The following EIF4G1 variants were observed in gnomAD, a reference collection of about 807,000 sequenced individuals.
The protein encoded by EIF4G1 is EIF4-gamma.
In EIF4G1, 4 loss-of-function variants were observed where a neutral mutation model predicts 187.8. That is an observed-to-expected ratio of 0.02 (90% CI 0.01 to 0.05). The LOEUF (loss-of-function observed/expected upper bound fraction) is 0.05. Among genes scored for constraint, EIF4G1 ranks in the 10% least tolerant of loss-of-function variants. The pLI is 1.00. For synonymous variants in EIF4G1, 844 were observed against 781.4 expected, an observed-to-expected ratio of 1.08 and a Z score of -1.34; for missense variants, 1,647 against 2,081.1, an observed-to-expected ratio of 0.79 and a Z score of 4.06.
rs960732986 is a variant in EIF4G1 at position 184,332,804 on chromosome 3, T to A, written c.4618+718T>A. Among the ~76,000 whole-genome samples the A allele has an allele frequency of 3.3e-5, 5 of 151,970 alleles. No homozygotes were observed. In the East Asian group the frequency reaches 9.6e-4, roughly 29 times the overall value. Reference sequence around the variant, plus strand: ...AAGAACTATTAAAGAAAGGCCAGTGTGGGAGAGCACAGCAACCAGTCCTAA... The same window carrying A: ...AAGAACTATTAAAGAAAGGCCAGTGAGGGAGAGCACAGCAACCAGTCCTAA... On this transcript the variant is annotated intron_variant, in intron 32 of 32. Coordinates refer to ENST00000346169, the MANE Select transcript of EIF4G1 (RefSeq NM_198241.3).
At chr3:184,327,539 G>T (rs775603322) in intron 24 of EIF4G1, 47 bp from the exon 25 acceptor site, 2 of 1,613,168 alleles carry the variant, frequency 1.2e-6, no homozygotes, top group East Asian at 2.2e-5. Context: ...AATCTTGTTT[G>T]CTGGGAAGAC....
At chr3:184,319,480 T>G in intron 6 of EIF4G1, 1 of 499,340 alleles carries the variant, frequency 2.0e-6, no homozygotes, top group Non-Finnish European at 3.7e-6. Flanking sequence ...TGTGTGTGTG[T>G]GTGTTAGGAA....
Position 184,334,029 on chromosome 3 carries a change from G to A in EIF4G1, c.4619-698G>A, listed in dbSNP as rs1356756817. On this transcript the variant is annotated intron_variant, in intron 32 of 32. Coordinates refer to ENST00000346169, the MANE Select transcript of EIF4G1 (RefSeq NM_198241.3). The surrounding 1 kb of genome is among the most constrained non-coding windows in gnomAD (Gnocchi z 5.8). ...CCTGGCTGGCAGCATCTCATAGATG[G>A]CTTAGAAGTGTAAGGTTTGGTTTGG... Among the ~76,000 whole-genome samples, 2 of 152,188 alleles carry A rather than the reference G, an allele frequency of 1.3e-5. No individual in the cohort carries two copies. The highest frequency in any genetic ancestry group is 3.8e-4 in the East Asian group (2 of 5,196).
In EIF4G1 at chr3:184,321,979, A is replaced by C. The variant is rs953496082; in HGVS notation, c.1395A>C (p.Glu465Asp). Residue 465 changes from glutamate (E) to aspartate (D), a missense_variant, in exon 10 of 33, where the codon GAA (glutamate) becomes GAC (aspartate). Coordinates refer to ENST00000346169, the MANE Select transcript of EIF4G1 (RefSeq NM_198241.3). ...EEMEEEEEEE[E>D]GEAGEAGEAE... ...TGGAAGAAGAAGAAGAAGAGGAAGA[A>C]GGAGAAGCAGGAGAAGCAGGAGAAG... The C allele has an allele frequency of 6.5e-7, 1 of 1,542,908 alleles. No homozygotes were observed. The highest frequency in any genetic ancestry group is 8.9e-7 in the Non-Finnish European group (1 of 1,118,396).
intron 28 of EIF4G1, among the ~76,000 whole-genome samples, chr3:184,329,621 CTG>C (rs2108512414): frequency 1.3e-5 from 2 of 152,276 alleles, no homozygotes; most frequent in East Asian, 3.9e-4. Flanking sequence ...GAGCAAGACT[CTG>C]TCTCCAAAAA....
intron 4 of EIF4G1, 90 bp from the exon 5 acceptor site, chr3:184,317,231 C>CT (rs1722958083): frequency 6.8e-7 from 1 of 1,465,498 alleles, no homozygotes; most frequent in Non-Finnish European, 9.5e-7. Flanking sequence ...CACAGTACTT[C>CT]TTTCCAGGCT....
chr3:184,330,961 G>A (rs760241076), intron 28 of EIF4G1, among the ~76,000 whole-genome samples: 7 of 152,048 alleles, frequency 4.6e-5, no homozygotes, highest in South Asian at 2.1e-4. Context: ...GCTGGTCTCC[G>A]ACTCCTGACC....
Position 184,334,405 on chromosome 3 carries a change from C to T in EIF4G1, c.4619-322C>T, listed in dbSNP as rs566893344. 5.9e-5 allele frequency among the ~76,000 whole-genome samples: 9 copies of T among 152,228 alleles called. No individual in the cohort carries two copies. In the East Asian group the frequency reaches 9.6e-4, roughly 16 times the overall value. On this transcript the variant is annotated intron_variant, in intron 32 of 32. Coordinates refer to ENST00000346169, the MANE Select transcript of EIF4G1 (RefSeq NM_198241.3). This position sits in a 1 kb window ranked among gnomAD's most constrained non-coding sequence, Gnocchi z 5.8. The stretch of plus-strand genomic sequence containing the variant: ...TGTATGATATATATAGGACTTTTAG[C>T]GATTTCCTGAATTCAGGAGTACCAA...
At position 184,331,294 on chromosome 3, in the gene EIF4G1, G is replaced by A. The variant is rs958925559; in HGVS notation, c.4190G>A (p.Arg1397Gln). The change falls in exon 29 of 33, where the codon CGA becomes CAA. Residue 1397 changes from arginine (R) to glutamine (Q), a missense_variant. Arg to Gln is a conservative substitution (Grantham distance 43). Coordinates refer to ENST00000346169, the MANE Select transcript of EIF4G1 (RefSeq NM_198241.3). ...CCTAAAAAGGTGGGGACGCTGTGGC[G>A]AGAAGCCGGGCTTAGCTGGAAGGAA... The part of the protein sequence containing the change: ...MGPKKVGTLW[R>Q]EAGLSWKEFL... The A allele has an allele frequency of 2.4e-5, 38 of 1,614,072 alleles. No homozygotes were observed. The highest frequency in any genetic ancestry group is 3.1e-5 in the Non-Finnish European group (36 of 1,180,038).
In EIF4G1 at chr3:184,327,962, C is replaced by G; in HGVS notation, c.3913C>G (p.Leu1305Val). ...TATGGGGCAGCTGCTGCACCAGCTGCTCTGTGCTGGGCATCTGTCTACTGC... is the reference window on the plus strand; with the variant it reads ...TATGGGGCAGCTGCTGCACCAGCTGGTCTGTGCTGGGCATCTGTCTACTGC... ...EHMGQLLHQL[L>V]CAGHLSTAQY... Residue 1305 changes from leucine to valine, a missense_variant, in exon 26 of 33, where the codon CTC becomes GTC. By Grantham distance (32) the Leu-to-Val change is conservative. This residue lies in a region of EIF4G1 where 543 missense variants were observed against 638.0 expected (regional missense o/e 0.85). Transcript: ENST00000346169. The G allele has an allele frequency of 1.2e-6, 2 of 1,610,190 alleles. No individual in the cohort carries two copies. Among genetic ancestry groups the G allele is most frequent in the Non-Finnish European group, 1.7e-6 (2 of 1,180,022 alleles).
chr3:184,314,849 C>T (rs1560203705), intron 1 of EIF4G1, among the ~76,000 whole-genome samples, 175 bp downstream of exon 1: 1 of 150,042 alleles, frequency 6.7e-6, no homozygotes. Context: ...TGTGCCTGGC[C>T]CGGCCGGGCC....
At chr3:184,316,801 C>A in intron 4 of EIF4G1, 6 of 1,510,112 alleles carry the variant, frequency 4.0e-6, no homozygotes, top group Non-Finnish European at 5.4e-6. Flanking sequence ...TAGTCAGGGG[C>A]TAGACACAGG....
intron 6 of EIF4G1, 23 bp downstream of exon 6, chr3:184,317,839 G>A (rs954517216): frequency 6.4e-7 from 1 of 1,567,248 alleles, no homozygotes; most frequent in Non-Finnish European, 8.8e-7. Flanking sequence ...GGGAGTCAGA[G>A]GTGAGAACAA....
chr3:184,328,419 C>T (rs1417138704), intron 26 of EIF4G1: 6 of 724,672 alleles, frequency 8.3e-6, no homozygotes, highest in Non-Finnish European at 1.4e-5. Context: ...AGTATGGGTT[C>T]CTTGACCATC....
intron 3 of EIF4G1, 49 bp from the exon 4 acceptor site, chr3:184,316,083 G>T: frequency 6.2e-7 from 1 of 1,611,708 alleles, no homozygotes; most frequent in Non-Finnish European, 8.5e-7. Context: ...TTGGGTTTCT[G>T]CCCCACCTGG....
Position 184,325,566 on chromosome 3 carries a change from G to C in EIF4G1, c.3048G>C (p.Glu1016Asp), listed in dbSNP as rs1439531287. Residue 1016 changes from glutamate (E) to aspartate (D), a missense_variant, in exon 20 of 33, where the codon GAG becomes GAC. By Grantham distance (45) the Glu-to-Asp change is conservative. Transcript: ENST00000346169. The surrounding 1 kb of genome is among the most constrained non-coding windows in gnomAD (Gnocchi z 5.2). ...AGGCTGAGATGGAAGAACATCGAGAGCACATCAAAGTGCAGCAGCTCATGG... is the reference window on the plus strand; with the variant it reads ...AGGCTGAGATGGAAGAACATCGAGACCACATCAAAGTGCAGCAGCTCATGG... ...HKEAEMEEHR[E>D]HIKVQQLMAK... 6 of 1,614,230 alleles carry C rather than the reference G, an allele frequency of 3.7e-6. No homozygotes were observed. Among genetic ancestry groups the C allele is most frequent in the Non-Finnish European group, 5.1e-6 (6 of 1,180,050 alleles).
chr3:184,329,415 G>A (rs552353135), intron 28 of EIF4G1, among the ~76,000 whole-genome samples: 5 of 152,142 alleles, frequency 3.3e-5, no homozygotes, highest in Non-Finnish European at 7.4e-5. Flanking sequence ...GGTGGATCAC[G>A]AGGTCAGGAG....
Position 184,327,638 on chromosome 3 carries a change from T to C in EIF4G1, c.3714T>C (p.Ser1238=), listed in dbSNP as rs770297165. 6.2e-7 allele frequency: 1 copy of C among 1,614,196 alleles called. No homozygotes were observed. Among genetic ancestry groups the C allele is most frequent in the Non-Finnish European group, 8.5e-7 (1 of 1,180,026 alleles). Residue 1238 remains serine (S), a synonymous_variant, in exon 25 of 33, where the codon TCT becomes TCC. Transcript: ENST00000346169. Reference sequence around the variant, plus strand: ...TGAGCCCCCTGAAGGCGGCTCTCTCTGAGGAGGAGTTAGAGAAGAAATCCA... The same window carrying C: ...TGAGCCCCCTGAAGGCGGCTCTCTCCGAGGAGGAGTTAGAGAAGAAATCCA... ...PPVSPLKAAL[S]EEELEKKSKA...
rs1203548801 is a variant in EIF4G1 at position 184,331,601 on chromosome 3, A to T, written c.4390A>T (p.Ile1464Leu). The T allele has an allele frequency of 6.9e-7, 1 of 1,456,648 alleles. No individual in the cohort carries two copies. Among genetic ancestry groups the T allele is most frequent in the South Asian group, 1.1e-5 (1 of 88,468 alleles). 90.2% of individuals were successfully genotyped at this position (1,456,648 alleles called of 1,614,324 possible). A position where few individuals can be genotyped will look rare whatever the true frequency, so the allele number is the denominator to read the frequency against. ...GSSNQRVFDW[I>L]EANLSEQQIV... ...CAGTAACCAGCGGGTGTTCGACTGG[A>T]TAGAGGTAGGTTTCTCCTGGATATC... Residue 1464 changes from isoleucine (I) to leucine (L), a missense_variant, in exon 30 of 33, where the codon ATA becomes TTA. Transcript: ENST00000346169.
Sources: allele counts gnomAD v4.1 joint callset (sites outside exome capture counted in the v4.1 genomes callset), GRCh38; gene constraint gnomAD v4.1.1; regional missense constraint gnomAD v4.1.1; non-coding constraint Gnocchi (gnomAD v3.1); transcripts MANE v1.5; gene names NCBI Gene and HGNC (gene_info 2026-07-23, HGNC 2026-07-21).